Variants in TTC28 observed in about 807,000 individuals in gnomAD.
TTC28 encodes the protein tetratricopeptide repeat domain 28.
Under a neutral mutation model 198.0 loss-of-function variants are expected in TTC28, and 61 were observed. The ratio of observed to expected loss-of-function variants is 0.31; its 90% CI spans 0.25 to 0.38. The LOEUF is 0.38. Ranked by LOEUF, TTC28 falls within the 10% of genes least tolerant of loss-of-function variation. The pLI is 1.00. For missense variants in TTC28, 2,678 were observed against 3,164.0 expected (o/e 0.85, Z 3.69); for synonymous variants, 1,171 against 1,297.8 (o/e 0.90, Z 2.10).
chr22:28,214,586 C>T (rs1052857656), intron 5 of TTC28, among the ~76,000 whole-genome samples: 13 of 152,140 alleles, frequency 8.5e-5, no homozygotes, highest in African/African-American at 3.1e-4. Context: ...AATGAGATAC[C>T]ATCTCACACC....
At chr22:28,175,407 C>T (rs1248972256) in intron 5 of TTC28, among the ~76,000 whole-genome samples, 2 of 152,136 alleles carry the variant, frequency 1.3e-5, no homozygotes, top group East Asian at 3.9e-4. Flanking sequence ...ACTTAAACAA[C>T]TCAACAGGAC....
In TTC28 at chr22:28,108,268, G is replaced by A; in HGVS notation, c.1577C>T (p.Ala526Val). The A allele has an allele frequency of 6.5e-7, 1 of 1,549,478 alleles. No individual in the cohort carries two copies. Among genetic ancestry groups the A allele is most frequent in the East Asian group, 2.4e-5 (1 of 40,830 alleles). ...GACCGCCTGGTCGTACATGCCCAGG[G>A]CATTGTAGGCATTGCCCATATTCCC... is the stretch of plus-strand genomic sequence containing the variant. Reference protein sequence around the residue: ...AYGNMGNAYNALGMYDQAVKY... With the variant: ...AYGNMGNAYNVLGMYDQAVKY... The change falls in exon 7 of 23, where the codon GCC (alanine) becomes GTC (valine). Residue 526 changes from alanine to valine, a missense_variant. Ala to Val is a moderately conservative substitution (Grantham distance 64). Transcript: ENST00000397906.
rs542190030 is a variant in TTC28, at chr22:28,495,624, A to C, written c.381+133928T>G. Among the ~76,000 whole-genome samples, 7 of 152,342 alleles carry C rather than the reference A, an allele frequency of 4.6e-5. No homozygotes were observed. The South Asian group carries it at 1.4e-3, about 32-fold the overall frequency. On this transcript the variant is annotated intron_variant, in intron 2 of 22. Transcript: ENST00000397906. ...AACTATGGGATACAAAAAATAGTGA[A>C]TTAAATATAAGGGAATAAAAGGTAT...
intron 6 of TTC28, among the ~76,000 whole-genome samples, chr22:28,132,405 T>C (rs1789630078): frequency 1.3e-5 from 2 of 152,252 alleles, no homozygotes. Flanking sequence ...CTGATTATGG[T>C]ACAGCAATAT....
At chr22:28,153,513 T>A (rs1362952135) in intron 6 of TTC28, among the ~76,000 whole-genome samples, 2 of 151,836 alleles carry the variant, frequency 1.3e-5, no homozygotes, top group Non-Finnish European at 2.9e-5. Context: ...CCTCATAGGT[T>A]TTGAGAAGAA....
At chr22:28,064,647 A>T (rs1940683552) in intron 12 of TTC28, among the ~76,000 whole-genome samples, 1 of 151,076 alleles carries the variant, frequency 6.6e-6, no homozygotes, top group African/African-American at 2.4e-5. Context: ...AGACCCAATT[A>T]TACCCCTCCC....
intron 6 of TTC28, among the ~76,000 whole-genome samples, chr22:28,110,381 A>G (rs999470809): frequency 2.6e-5 from 4 of 152,250 alleles, no homozygotes; most frequent in African/African-American, 9.6e-5. Flanking sequence ...AATAATAAAC[A>G]TAACACCAAC....
intron 5 of TTC28, among the ~76,000 whole-genome samples, chr22:28,179,827 G>A (rs1211265580): frequency 2.6e-5 from 4 of 152,102 alleles, no homozygotes; most frequent in Non-Finnish European, 5.9e-5. Context: ...ACAATACTGA[G>A]CATAAATTAA....
chr22:28,463,194 T>A (rs1275096384), intron 2 of TTC28, among the ~76,000 whole-genome samples: 1 of 152,238 alleles, frequency 6.6e-6, no homozygotes, highest in Non-Finnish European at 1.5e-5. Context: ...CTATCTCACA[T>A]TAAGAAATTG....
chr22:28,533,064 A>C (rs909717221), intron 2 of TTC28, among the ~76,000 whole-genome samples: 1 of 152,220 alleles, frequency 6.6e-6, no homozygotes, highest in Non-Finnish European at 1.5e-5. Context: ...CAGGGCAATC[A>C]GGCAGGAGAA....
chr22:27,992,850 T>C (rs1260809363), intron 18 of TTC28, 187 bp from the exon 19 acceptor site: 1 of 641,244 alleles, frequency 1.6e-6, no homozygotes, highest in Non-Finnish European at 2.7e-6. Context: ...GGAAGGTGGG[T>C]GGAAGTGGGT....
rs1224791289 is a variant in TTC28, at chr22:28,028,546, C to CA, written c.4073+1679_4073+1680insT. ...AACTGGTTCCTGACTGCTGGAGTGC[C>CA]TGCAACCAGGTCACCATGGATGCCT... On this transcript the variant is annotated intron_variant, in intron 13 of 22. Coordinates refer to ENST00000397906, the MANE Select transcript of TTC28 (RefSeq NM_001145418.2). 4.6e-5 allele frequency among the ~76,000 whole-genome samples: 7 copies of CA among 152,302 alleles called. No individual in the cohort carries two copies. In the East Asian group the frequency reaches 1.4e-3, roughly 29 times the overall value.
rs1368134847 is a variant in TTC28, at chr22:27,980,364, G to C, written c.*1857C>G. On this transcript the variant is annotated 3_prime_UTR_variant, in exon 23 of 23. Transcript: ENST00000397906. The stretch of plus-strand genomic sequence containing the variant: ...TATAAAGTACTTCGCTTTCAGTGTT[G>C]GGATCAGGGCTAGAATAAGACATGC... 6.6e-6 allele frequency: 1 copy of C among 152,178 alleles called. No individual in the cohort carries two copies. The highest frequency in any genetic ancestry group is 2.4e-5 in the African/African-American group (1 of 41,432). The allele number at this position is 152,178 out of a possible 1,614,324, so 9.4% of individuals were successfully genotyped here. A position where few individuals can be genotyped will look rare whatever the true frequency, so the allele number is the denominator to read the frequency against.
At chr22:28,064,530 A>G (rs1408222733) in intron 12 of TTC28, among the ~76,000 whole-genome samples, 1 of 152,132 alleles carries the variant, frequency 6.6e-6, no homozygotes, top group African/African-American at 2.4e-5. Context: ...GGGGATAATA[A>G]TACCTGCTTT....
At chr22:28,055,388 T>C (rs1177665089) in intron 12 of TTC28, among the ~76,000 whole-genome samples, 1 of 151,918 alleles carries the variant, frequency 6.6e-6, no homozygotes, top group Non-Finnish European at 1.5e-5. Context: ...TGAGACAAAA[T>C]GGGATAGAAT....
chr22:28,181,082 A>G (rs927305588), intron 5 of TTC28, among the ~76,000 whole-genome samples: 3 of 152,226 alleles, frequency 2.0e-5, no homozygotes, highest in Non-Finnish European at 4.4e-5. Context: ...TGATAGTTAC[A>G]GCTTCTCCAT....
At chr22:28,076,257 C>A (rs1432499390) in intron 12 of TTC28, among the ~76,000 whole-genome samples, 1 of 152,134 alleles carries the variant, frequency 6.6e-6, no homozygotes. Context: ...TTTAAATGTT[C>A]AAAGACCCAC....
At chr22:28,490,956 T>C (rs1216587590) in intron 2 of TTC28, among the ~76,000 whole-genome samples, 1 of 152,234 alleles carries the variant, frequency 6.6e-6, no homozygotes, top group Admixed American at 6.5e-5. Flanking sequence ...AAGTCAATCA[T>C]ACAGTAGTTT....
At chr22:28,098,679 A>C (rs1942043317) in intron 10 of TTC28, among the ~76,000 whole-genome samples, 1 of 152,168 alleles carries the variant, frequency 6.6e-6, no homozygotes, top group South Asian at 2.1e-4. Context: ...GTCAGGAACC[A>C]GGACTTCTTG....
Sources: gnomAD v4.1 joint callset for allele counts (sites outside exome capture counted in the v4.1 genomes callset) on GRCh38, gnomAD v4.1.1 for gene constraint, MANE v1.5 for transcripts, NCBI Gene and HGNC (gene_info 2026-07-23, HGNC 2026-07-21) for gene names.